Variants in CRCP observed in about 807,000 individuals in gnomAD.
The protein encoded by CRCP is CGRP receptor component.
CRCP carries 18 observed loss-of-function variants against 18.5 expected under a neutral mutation model. That is an observed-to-expected ratio of 0.97 (90% confidence interval 0.67 to 1.44). The LOEUF (loss-of-function observed/expected upper bound fraction) is 1.44. Ranked by LOEUF, CRCP falls within the 40% of genes most tolerant of loss-of-function variation. CRCP has a pLI of 0.00. For missense variants in CRCP, 130 were observed against 176.4 expected, an observed-to-expected ratio of 0.74 and a Z score of 1.49; for synonymous variants, 53 against 62.9, an observed-to-expected ratio of 0.84 and a Z score of 0.75.
chr7:66,134,294 A>G lies in CRCP; in HGVS notation c.159A>G (p.Ile53Met). The G allele has an allele frequency of 1.3e-6, 2 of 1,597,900 alleles. No homozygotes were observed. Among genetic ancestry groups the G allele is most frequent in the South Asian group, 2.3e-5 (2 of 88,532 alleles). Reference protein sequence around the residue: ...NTITYETLKYISKTPCRHQSP... With the variant: ...NTITYETLKYMSKTPCRHQSP... ...TTTTTTGCCAGACGTTAAAATACAT[A>G]TCAAAAACACCATGCAGGCACCAGA... Residue 53 changes from isoleucine to methionine, a missense_variant, in exon 4 of 6, where the codon ATA becomes ATG. Ile to Met is a conservative substitution (Grantham distance 10, BLOSUM62 1). Transcript: ENST00000395326.
Position 66,127,098 on chromosome 7 carries a change from T to G in CRCP, c.9-606T>G, listed in dbSNP as rs189454486. Among the ~76,000 whole-genome samples the G allele has an allele frequency of 4.1e-4, 63 of 152,392 alleles. No individual in the cohort carries two copies. In the East Asian group the frequency reaches 8.9e-3, roughly 21 times the overall value. Reference sequence around the variant, plus strand: ...CAAATCTGATTTCAAAACTATGTTCTTTGTCATACTCCACTGCCTCCAGAC... The same window carrying G: ...CAAATCTGATTTCAAAACTATGTTCGTTGTCATACTCCACTGCCTCCAGAC... On this transcript the variant is annotated intron_variant, in intron 1 of 5. Transcript: ENST00000395326.
chr7:66,138,822 A>C (rs1247264411), intron 4 of CRCP, among the ~76,000 whole-genome samples: 2 of 151,640 alleles, frequency 1.3e-5, no homozygotes, highest in Non-Finnish European at 2.9e-5. Flanking sequence ...AATAAATTTC[A>C]AAAAAGATTT....
In CRCP at chr7:66,127,695, C is replaced by A. The variant is rs762551067; in HGVS notation, c.9-9C>A. On this transcript the variant is annotated splice_polypyrimidine_tract_variant and intron_variant, in intron 1 of 5. Coordinates refer to ENST00000395326, the MANE Select transcript of CRCP (RefSeq NM_014478.5). Reference sequence around the variant, plus strand: ...CCCAGACTGATGATAGCTTACTTTTCTTTTTCAGGAAGGATGCCAATTCTG... The same window carrying A: ...CCCAGACTGATGATAGCTTACTTTTATTTTTCAGGAAGGATGCCAATTCTG... 20 of 1,613,928 alleles carry A rather than the reference C, an allele frequency of 1.2e-5. No homozygotes were observed. In the Admixed American group the frequency reaches 3.2e-4, roughly 26 times the overall value.
chr7:66,148,586 C>A (rs1480070059), intron 5 of CRCP, among the ~76,000 whole-genome samples: 2 of 152,152 alleles, frequency 1.3e-5, no homozygotes, highest in Admixed American at 1.3e-4. Flanking sequence ...TTTGCTGTGG[C>A]CCTCTGATGA....
chr7:66,142,513 C>A (rs1403886228), intron 4 of CRCP, among the ~76,000 whole-genome samples: 1 of 152,144 alleles, frequency 6.6e-6, no homozygotes, highest in Non-Finnish European at 1.5e-5. Context: ...ACACAGTCAA[C>A]CTATTTTTCT....
In CRCP at chr7:66,131,333, G is replaced by GT. The variant is rs576693276; in HGVS notation, c.144+494dup. Among the ~76,000 whole-genome samples the GT allele has an allele frequency of 2.0e-3, 302 of 152,236 alleles. 4 individuals carry two copies. Among genetic ancestry groups the GT allele is most frequent in the Admixed American group, 0.016 (252 of 15,280 alleles). On this transcript the variant is annotated intron_variant, in intron 3 of 5. Transcript: ENST00000395326. ...TGAGAGGAGTTTGGTCAAGTTTAGAGTTTAGCCAGCTACAAAGTTAGAAGG... is the reference window on the plus strand; with the variant it reads ...TGAGAGGAGTTTGGTCAAGTTTAGAGTTTTAGCCAGCTACAAAGTTAGAAGG...
At chr7:66,142,504 C>A (rs892620908) in intron 4 of CRCP, among the ~76,000 whole-genome samples, 2 of 152,146 alleles carry the variant, frequency 1.3e-5, no homozygotes, top group African/African-American at 4.8e-5. Context: ...TCTATATTGA[C>A]ACAGTCAACC....
intron 1 of CRCP, among the ~76,000 whole-genome samples, chr7:66,122,985 C>T (rs1219838885): frequency 1.4e-5 from 2 of 147,410 alleles, no homozygotes; most frequent in South Asian, 2.2e-4. Flanking sequence ...GATGGAGTCT[C>T]GCTCTGTCGC....
Position 66,138,107 on chromosome 7 carries a change from C to G in CRCP, c.239+3733C>G, listed in dbSNP as rs187438604. 2.2e-4 allele frequency among the ~76,000 whole-genome samples: 34 copies of G among 152,322 alleles called. 1 individual carries two copies. Among genetic ancestry groups the G allele is most frequent in the Middle Eastern group, 3.4e-3 (1 of 294 alleles). ...AACAGGTCTCTTGGCTACAAATTCT[C>G]TTATTTTCATTTAGCTGAGAATGTC... On this transcript the variant is annotated intron_variant, in intron 4 of 5. Transcript: ENST00000395326.
intron 4 of CRCP, among the ~76,000 whole-genome samples, chr7:66,137,049 C>T (rs1787991774): frequency 6.6e-6 from 1 of 151,730 alleles, no homozygotes; most frequent in South Asian, 2.1e-4. Context: ...CCACTGCACT[C>T]CAGCCTGGCG....
chr7:66,115,534 A>G (rs1353993857), intron 1 of CRCP, among the ~76,000 whole-genome samples: 1 of 152,112 alleles, frequency 6.6e-6, no homozygotes, highest in African/African-American at 2.4e-5. Flanking sequence ...GAGAAACAGC[A>G]GGGGGTGTGT....
In CRCP at chr7:66,126,811, A is replaced by G. The variant is rs185024304; in HGVS notation, c.9-893A>G. Among the ~76,000 whole-genome samples, 9 of 149,340 alleles carry G rather than the reference A, an allele frequency of 6.0e-5. No individual in the cohort carries two copies. In the Admixed American group the frequency reaches 6.0e-4, roughly 10 times the overall value. ...ACTTACTATGTTCCAAGTACTTTAC[A>G]TGTTTCCAGTGAACCCTGTGAACAG... is the stretch of plus-strand genomic sequence containing the variant. On this transcript the variant is annotated intron_variant, in intron 1 of 5. Transcript: ENST00000395326.
At chr7:66,136,046 AG>A (rs1338079867) in intron 4 of CRCP, among the ~76,000 whole-genome samples, 10 of 152,326 alleles carry the variant, frequency 6.6e-5, no homozygotes, top group African/African-American at 2.4e-4. Flanking sequence ...CTTTTTATAA[AG>A]TTGATCAGTG....
chr7:66,128,636 A>T (rs1323830279), intron 2 of CRCP: 1 of 152,086 alleles, frequency 6.6e-6, no homozygotes, highest in Non-Finnish European at 1.5e-5. Context: ...CTTAAAAAAT[A>T]AAAAAAGAGA....
chr7:66,126,691 C>A, intron 1 of CRCP: 1 of 414,210 alleles, frequency 2.4e-6, no homozygotes, highest in South Asian at 1.8e-5. Context: ...AATTTGTTGT[C>A]TCATTTTATC....
chr7:66,124,037 TC>T (rs1787537441), intron 1 of CRCP, among the ~76,000 whole-genome samples: 1 of 77,748 alleles, frequency 1.3e-5, no homozygotes, highest in African/African-American at 5.4e-5. Flanking sequence ...AGAGTGAGAC[TC>T]CGTCTCAAAA....
Position 66,126,820 on chromosome 7 carries a change from G to C in CRCP, c.9-884G>C, listed in dbSNP as rs907353375. ...GTTCCAAGTACTTTACATGTTTCCA[G>C]TGAACCCTGTGAACAGTCTTACAAG... On this transcript the variant is annotated intron_variant, in intron 1 of 5. Coordinates refer to ENST00000395326, the MANE Select transcript of CRCP (RefSeq NM_014478.5). Among the ~76,000 whole-genome samples the C allele has an allele frequency of 1.3e-5, 2 of 149,146 alleles. 1 individual carries two copies. Among genetic ancestry groups the C allele is most frequent in the African/African-American group, 4.8e-5 (2 of 41,248 alleles).
chr7:66,137,930 T>A (rs1434030340), intron 4 of CRCP, among the ~76,000 whole-genome samples: 1 of 152,246 alleles, frequency 6.6e-6, no homozygotes, highest in Non-Finnish European at 1.5e-5. Flanking sequence ...GTTTTTACAT[T>A]GACTTTCTGT....
intron 4 of CRCP, among the ~76,000 whole-genome samples, chr7:66,143,547 G>GTCA (rs528811197): frequency 1.1e-3 from 169 of 152,288 alleles, no homozygotes; most frequent in Middle Eastern, 0.01. Context: ...TAGTGCAAGG[G>GTCA]TCATCTCTGT....
Sources: gnomAD v4.1 joint callset for allele counts (sites outside exome capture counted in the v4.1 genomes callset) on GRCh38, gnomAD v4.1.1 for gene constraint, MANE v1.5 for transcripts, NCBI Gene and HGNC (gene_info 2026-07-23, HGNC 2026-07-21) for gene names.